The following REXO5 variants were observed in gnomAD, a reference collection of about 807,000 sequenced individuals.
REXO5 encodes the protein RNA exonuclease 5, also known as exonuclease NEF-sp.
Under a neutral mutation model 88.5 loss-of-function variants are expected in REXO5, and 48 were observed. The observed-to-expected ratio is 0.54, with a 90% CI of 0.43 to 0.69. The LOEUF (loss-of-function observed/expected upper bound fraction) is 0.69. REXO5 is among the 30% of genes least tolerant of loss of function. REXO5 has a pLI of 0.00. For missense variants in REXO5, 749 were observed against 912.2 expected (o/e 0.82, Z 2.30); for synonymous variants, 311 against 336.5 (o/e 0.92, Z 0.83).
chr16:20,815,879 G>T (rs376718543), intron 4 of REXO5, among the ~76,000 whole-genome samples: 9 of 152,306 alleles, frequency 5.9e-5, no homozygotes, highest in African/African-American at 2.2e-4. Context: ...TGTCTAAGTT[G>T]TATATTTCTG....
intron 14 of REXO5, 119 bp downstream of exon 14, chr16:20,839,978 C>T: frequency 1.5e-6 from 1 of 657,830 alleles, no homozygotes; most frequent in Non-Finnish European, 2.6e-6. Context: ...TTTTTACTAT[C>T]TGCATATTAA....
intron 2 of REXO5, among the ~76,000 whole-genome samples, chr16:20,807,879 C>T (rs2080925408): frequency 6.6e-6 from 1 of 152,186 alleles, no homozygotes; most frequent in African/African-American, 2.4e-5. Context: ...CCCCAACCCC[C>T]TGTGCACAGA....
Position 20,848,204 on chromosome 16 carries a change from T to C in REXO5, c.2244-1195T>C, listed in dbSNP as rs150076737. On this transcript the variant is annotated intron_variant, in intron 19 of 19. Coordinates refer to ENST00000261377, the MANE Select transcript of REXO5 (RefSeq NM_030941.3). ...ACTTCTCTGGGCCTTGTTTGTGCAGTTGTGTCCGTGATGGCAGCAGATACT... is the reference window on the plus strand; with the variant it reads ...ACTTCTCTGGGCCTTGTTTGTGCAGCTGTGTCCGTGATGGCAGCAGATACT... Among the ~76,000 whole-genome samples the C allele has an allele frequency of 1.3e-3, 205 of 152,254 alleles. 1 individual carries two copies. Among genetic ancestry groups the C allele is most frequent in the African/African-American group, 4.7e-3 (197 of 41,508 alleles).
chr16:20,840,244 T>G, intron 14 of REXO5, 87 bp from the exon 15 acceptor site: 2 of 1,185,722 alleles, frequency 1.7e-6, no homozygotes, highest in Non-Finnish European at 2.3e-6. Context: ...AAAAAAATCT[T>G]TGGTGAATAA....
chr16:20,839,371 A>AT (rs760106372), intron 13 of REXO5, among the ~76,000 whole-genome samples: 8,538 of 141,200 alleles, frequency 0.06, 272 homozygotes, highest in African/African-American at 0.082. Context: ...ATGCCCCTTG[A>AT]TTTTTTTTTT....
At chr16:20,808,676 C>T (rs1319204362) in intron 2 of REXO5, 2 of 138,708 alleles carry the variant, frequency 1.4e-5, no homozygotes, top group Non-Finnish European at 3.0e-5. Flanking sequence ...GGATTTGGCT[C>T]ACTGCAACTT....
At chr16:20,824,029 C>T (rs1468385062) in intron 6 of REXO5, among the ~76,000 whole-genome samples, 1 of 152,186 alleles carries the variant, frequency 6.6e-6, no homozygotes, top group African/African-American at 2.4e-5. Flanking sequence ...CCTATTTTCT[C>T]TTCCTGTATT....
chr16:20,816,278 G>A, intron 5 of REXO5, 66 bp downstream of exon 5: 1 of 1,335,416 alleles, frequency 7.5e-7, no homozygotes, highest in Non-Finnish European at 1.0e-6. Context: ...TTGTAAGTAG[G>A]TTTAGCACAA....
chr16:20,833,132 CCTG>C lies in REXO5; in HGVS notation c.1383+13_1383+15del. Reference sequence around the variant, plus strand: ...GTCTTTCAAATAAAGAGGTGAGTGGCCTGCTGAACCTTTGCAGGTTATATTCAA... The same window carrying C: ...GTCTTTCAAATAAAGAGGTGAGTGGCCTGAACCTTTGCAGGTTATATTCAA... On this transcript the variant is annotated intron_variant, in intron 13 of 19. Transcript: ENST00000261377. The C allele has an allele frequency of 6.2e-7, 1 of 1,611,646 alleles. No homozygotes were observed. The highest frequency in any genetic ancestry group is 8.5e-7 in the Non-Finnish European group (1 of 1,178,394).
At position 20,807,056 on chromosome 16, in the gene REXO5, G is replaced by T. The variant is rs2080892982; in HGVS notation, c.103G>T (p.Gly35Cys). 1 of 1,604,826 alleles carries T rather than the reference G, an allele frequency of 6.2e-7. No homozygotes were observed. The highest frequency in any genetic ancestry group is 8.5e-7 in the Non-Finnish European group (1 of 1,176,500). The stretch of plus-strand genomic sequence containing the variant: ...CGGGGCAGCTGAGGCGATGAAAGCC[G>T]GTTGGGATCTCGAGGAGAGTCAGCC... ...LVGAAEAMKA[G>C]WDLEESQPEA... The change falls in exon 2 of 20, where the codon GGT becomes TGT. Residue 35 changes from glycine to cysteine, a missense_variant. Gly to Cys is a radical substitution (Grantham distance 159). Coordinates refer to ENST00000261377, the MANE Select transcript of REXO5 (RefSeq NM_030941.3).
At position 20,849,559 on chromosome 16, in the gene REXO5, C is replaced by G; in HGVS notation, c.*79C>G. 2 of 1,273,594 alleles carry G rather than the reference C, an allele frequency of 1.6e-6. No homozygotes were observed. The highest frequency in any genetic ancestry group is 2.3e-6 in the Non-Finnish European group (2 of 875,776). 78.9% of individuals were successfully genotyped at this position (1,273,594 alleles called of 1,614,324 possible). ...AAGAATGTGGTCAGGCTGTAGCCTC[C>G]CCAACCAGCAGACAGCTTTATGGAA... On this transcript the variant is annotated 3_prime_UTR_variant, in exon 20 of 20. Transcript: ENST00000261377.
At chr16:20,826,533 A>G (rs566508115) in intron 8 of REXO5, among the ~76,000 whole-genome samples, 24 of 152,346 alleles carry the variant, frequency 1.6e-4, no homozygotes, top group Non-Finnish European at 4.4e-5. Context: ...AGTGATAAAT[A>G]CTGTCCTATT....
Position 20,845,041 on chromosome 16 carries a change from T to C in REXO5, c.1937-13T>C. The C allele has an allele frequency of 1.2e-6, 2 of 1,610,752 alleles. No homozygotes were observed. The highest frequency in any genetic ancestry group is 1.7e-6 in the Non-Finnish European group (2 of 1,177,898). On this transcript the variant is annotated splice_polypyrimidine_tract_variant and intron_variant, in intron 17 of 19. Transcript: ENST00000261377. ...GGCCCTTAATAACATAAGGTGGGGG[T>C]TCTTGCTTTCAGAATTCAAAAGTTT...
chr16:20,807,467 C>T (rs2080907082), intron 2 of REXO5: 1 of 218,848 alleles, frequency 4.6e-6, no homozygotes, highest in Admixed American at 5.3e-5. Context: ...ACTGTAATCC[C>T]ACCTACTTGG....
Position 20,807,349 on chromosome 16 carries a change from C to T in REXO5, c.138+258C>T, listed in dbSNP as rs147288481. The T allele has an allele frequency of 2.4e-3, 1,063 of 447,614 alleles. 13 individuals carry two copies. The highest frequency in any genetic ancestry group is 0.02 in the African/African-American group (985 of 50,508). The allele number at this position is 447,614 out of a possible 1,614,324, so 27.7% of individuals were successfully genotyped here. A position where few individuals can be genotyped will look rare whatever the true frequency, so the allele number is the denominator to read the frequency against. On this transcript the variant is annotated intron_variant, in intron 2 of 19. Transcript: ENST00000261377. ...ATTCCAGCACTTTGGGAGGCCGAGG[C>T]GGGCGGATCACGAGGTCAGGAGTTC...
chr16:20,849,333 A>T, intron 19 of REXO5, 66 bp from the exon 20 acceptor site: 1 of 1,431,954 alleles, frequency 7.0e-7, no homozygotes, highest in African/African-American at 1.4e-5. Flanking sequence ...TCCTCTAACT[A>T]GGCATTTATA....
upstream of REXO5, chr16:20,806,476 C>T: frequency 1.3e-6 from 2 of 1,549,906 alleles, no homozygotes; most frequent in African/African-American, 1.4e-5. Context: ...GGAAGTCGCT[C>T]GACTTCTACT....
At chr16:20,823,688 T>C (rs755488310) in intron 6 of REXO5, among the ~76,000 whole-genome samples, 1 of 152,220 alleles carries the variant, frequency 6.6e-6, no homozygotes, top group Non-Finnish European at 1.5e-5. Flanking sequence ...CCCCCTTTGT[T>C]CCGTGTCAAA....
At chr16:20,823,748 A>G (rs1011098865) in intron 6 of REXO5, among the ~76,000 whole-genome samples, 5 of 152,216 alleles carry the variant, frequency 3.3e-5, no homozygotes, top group Non-Finnish European at 2.9e-5. Context: ...TGAAGGTAGA[A>G]ATCTTCAACA....
Sources: gnomAD v4.1 joint callset for allele counts (sites outside exome capture counted in the v4.1 genomes callset) on GRCh38, gnomAD v4.1.1 for gene constraint, MANE v1.5 for transcripts, NCBI Gene and HGNC (gene_info 2026-07-23, HGNC 2026-07-21) for gene names.